The following C2orf74 variants were observed in gnomAD, a reference collection of about 807,000 sequenced individuals.
The protein encoded by C2orf74 is uncharacterized protein C2orf74.
Under a neutral mutation model 17.9 loss-of-function variants are expected in C2orf74, and 14 were observed. That is an observed-to-expected ratio of 0.78 (90% CI 0.52 to 1.22). The LOEUF (loss-of-function observed/expected upper bound fraction) is 1.22, where lower values mean the gene tolerates loss of function less well. C2orf74 is among the 50% of genes most tolerant of loss of function. The pLI, the probability that C2orf74 is intolerant of heterozygous loss-of-function variation, is 0.00. For synonymous variants in C2orf74, 79 were observed against 72.6 expected, an observed-to-expected ratio of 1.09 and a Z score of -0.44; for missense variants, 217 against 218.4, an observed-to-expected ratio of 0.99 and a Z score of 0.04.
At chr2:61,154,348 GA>G (rs1685332636) in intron 1 of C2orf74, among the ~76,000 whole-genome samples, 1 of 152,130 alleles carries the variant, frequency 6.6e-6, no homozygotes, top group African/African-American at 2.4e-5. Flanking sequence ...CAAAAACAGG[GA>G]AAGTTTGAGA....
rs936010548 is a variant in C2orf74, at chr2:61,164,434, A to G, written c.471A>G (p.Gly157=). ...VVESQKRPLK[G]VTFSREVIVV... is the part of the protein sequence containing the mutation. ...AAAGCCAAAAAAGACCTTTAAAAGG[A>G]GTGACATTTTCTAGGGAGGTAATTG... Residue 157 remains glycine (G), a synonymous_variant, in exon 5 of 5, where the codon GGA becomes GGG. Coordinates refer to ENST00000432605, the MANE Select transcript of C2orf74 (RefSeq NM_001143959.4). 6.4e-7 allele frequency: 1 copy of G among 1,551,164 alleles called. No individual in the cohort carries two copies. Among genetic ancestry groups the G allele is most frequent in the African/African-American group, 1.4e-5 (1 of 72,928 alleles).
chr2:61,162,666 A>T (rs1685597718), intron 2 of C2orf74, 57 bp downstream of exon 2: 1 of 1,124,574 alleles, frequency 8.9e-7, no homozygotes, highest in Non-Finnish European at 1.3e-6. Context: ...GCAAATGTGT[A>T]TAGAAATAAT....
intron 2 of C2orf74, 67 bp downstream of exon 2, chr2:61,162,676 T>C (rs1243499470): frequency 8.8e-7 from 1 of 1,132,052 alleles, no homozygotes; most frequent in South Asian, 1.4e-5. Flanking sequence ...ATAGAAATAA[T>C]GTAAAACAAT....
intron 1 of C2orf74, among the ~76,000 whole-genome samples, chr2:61,155,959 G>A (rs899924935): frequency 1.3e-5 from 2 of 152,072 alleles, no homozygotes; most frequent in Non-Finnish European, 2.9e-5. Flanking sequence ...AGCACTTTAG[G>A]AGGCCAAGTG....
chr2:61,153,659 T>G (rs2103620939), intron 1 of C2orf74, among the ~76,000 whole-genome samples: 2 of 148,292 alleles, frequency 1.3e-5, no homozygotes, highest in South Asian at 4.5e-4. Flanking sequence ...GAGGCCGAGG[T>G]GGGCAGATCA....
chr2:61,149,844 G>T (rs1685176295), intron 1 of C2orf74, among the ~76,000 whole-genome samples: 2 of 152,092 alleles, frequency 1.3e-5, no homozygotes, highest in South Asian at 4.1e-4. Flanking sequence ...CTCCCAAAGT[G>T]CTGGGATTAC....
chr2:61,152,757 A>T (rs1227319433), intron 1 of C2orf74, among the ~76,000 whole-genome samples: 8 of 147,552 alleles, frequency 5.4e-5, no homozygotes, highest in Non-Finnish European at 1.5e-5. Context: ...CTGAGGCAGG[A>T]GAATCGCTTG....
upstream of C2orf74, among the ~76,000 whole-genome samples, chr2:61,158,842 CA>C (rs1414284989): frequency 2.2e-4 from 33 of 152,152 alleles, no homozygotes; most frequent in South Asian, 8.3e-4. Flanking sequence ...GTTTTAAGAC[CA>C]GGGGAGAGTC....
In C2orf74 at chr2:61,164,592, A is replaced by G; in HGVS notation, c.*65A>G. 1.6e-6 allele frequency: 2 copies of G among 1,252,680 alleles called. No individual in the cohort carries two copies. Among genetic ancestry groups the G allele is most frequent in the South Asian group, 4.1e-5 (2 of 48,808 alleles). The allele number at this position is 1,252,680 out of a possible 1,614,324, so 77.6% of individuals were successfully genotyped here. On this transcript the variant is annotated 3_prime_UTR_variant, in exon 5 of 5. Coordinates refer to ENST00000432605, the MANE Select transcript of C2orf74 (RefSeq NM_001143959.4). Reference sequence around the variant, plus strand: ...TGACTAACGTTGAAAGACTGAGGGTACAAAATCATGTTGAAACAACAAAAC... The same window carrying G: ...TGACTAACGTTGAAAGACTGAGGGTGCAAAATCATGTTGAAACAACAAAAC...
intron 1 of C2orf74, among the ~76,000 whole-genome samples, chr2:61,153,892 A>G (rs1441200664): frequency 4.0e-5 from 5 of 123,602 alleles, no homozygotes; most frequent in African/African-American, 1.5e-4. Context: ...CCGTCTCAAA[A>G]AAAAAGAAAA....
chr2:61,151,681 A>G (rs1665271), intron 1 of C2orf74: 63,382 of 151,850 alleles, frequency 0.42, 13,461 homozygotes, highest in Middle Eastern at 0.5. Flanking sequence ...GTGTCCTTAC[A>G]ACATGGCAAC....
chr2:61,150,623 A>G (rs950355823), intron 1 of C2orf74, among the ~76,000 whole-genome samples: 2 of 152,196 alleles, frequency 1.3e-5, no homozygotes, highest in African/African-American at 4.8e-5. Flanking sequence ...GAGGCTCAGG[A>G]AAACAAAGCT....
At chr2:61,157,046 A>G (rs1685412543) in intron 1 of C2orf74, among the ~76,000 whole-genome samples, 1 of 152,062 alleles carries the variant, frequency 6.6e-6, no homozygotes, top group Admixed American at 6.6e-5. Flanking sequence ...TGACTGATCG[A>G]TTGATTTGAG....
chr2:61,162,768 G>A (rs1246178637), intron 2 of C2orf74, 74 bp from the exon 3 acceptor site: 11 of 1,266,124 alleles, frequency 8.7e-6, no homozygotes, highest in African/African-American at 3.0e-5. Flanking sequence ...CTGTTTAAAC[G>A]TGAAGTTTCT....
chr2:61,160,281 C>G (rs933886510), upstream of C2orf74, among the ~76,000 whole-genome samples: 1 of 152,034 alleles, frequency 6.6e-6, no homozygotes, highest in African/African-American at 2.4e-5. Context: ...CTGCCTTGGC[C>G]CCCCAAGTAG....
At chr2:61,152,647 G>A (rs1213907389) in intron 1 of C2orf74, among the ~76,000 whole-genome samples, 3 of 151,816 alleles carry the variant, frequency 2.0e-5, no homozygotes, top group African/African-American at 7.3e-5. Flanking sequence ...TCAGGAGTTC[G>A]AGATCAGCCT....
chr2:61,157,933 G>A (rs1301153252), upstream of C2orf74: 1 of 471,284 alleles, frequency 2.1e-6, no homozygotes, highest in Admixed American at 2.3e-5. Context: ...TGGACCATCT[G>A]GAGCCCAAGT....
chr2:61,153,058 A>T (rs1441213749), intron 1 of C2orf74, among the ~76,000 whole-genome samples: 3 of 147,652 alleles, frequency 2.0e-5, no homozygotes, highest in African/African-American at 7.4e-5. Flanking sequence ...AGGCTGAGGC[A>T]GGAGAATTGC....
upstream of C2orf74, among the ~76,000 whole-genome samples, chr2:61,160,915 G>T (rs181389827): frequency 1.2e-4 from 18 of 152,284 alleles, no homozygotes; most frequent in Non-Finnish European, 2.2e-4. Flanking sequence ...GCAATTCTTT[G>T]TGTATACACC....
Sources: allele counts gnomAD v4.1 joint callset (sites outside exome capture counted in the v4.1 genomes callset), GRCh38; gene constraint gnomAD v4.1.1; transcripts MANE v1.5; gene names NCBI Gene and HGNC (gene_info 2026-07-23, HGNC 2026-07-21).